The following DCC variants were observed in gnomAD, a reference collection of about 807,000 sequenced individuals.
The protein encoded by DCC is netrin receptor DCC.
In DCC, 58 loss-of-function variants were observed where a neutral mutation model predicts 172.5. That is an observed-to-expected ratio of 0.34 (90% CI 0.27 to 0.42). The LOEUF (loss-of-function observed/expected upper bound fraction) is 0.42. Ranked by LOEUF, DCC falls within the 10% of genes least tolerant of loss-of-function variation. The probability of loss-of-function intolerance (pLI) is 1.00; values close to 1 mark genes in which losing one functional copy is unlikely to be tolerated. For missense variants in DCC, 1,740 were observed against 1,791.0 expected (o/e 0.97, Z 0.51); for synonymous variants, 709 against 644.5 (o/e 1.10, Z -1.52).
intron 3 of DCC, among the ~76,000 whole-genome samples, chr18:52,915,694 T>C (rs1185093825): frequency 6.6e-6 from 1 of 151,990 alleles, no homozygotes. Context: ...ATATTTAATT[T>C]TGCACTATCT....
chr18:52,954,012 T>C (rs1274823555), intron 5 of DCC, among the ~76,000 whole-genome samples: 1 of 152,240 alleles, frequency 6.6e-6, no homozygotes, highest in Non-Finnish European at 1.5e-5. Context: ...AATACTATTA[T>C]AAACTCTGAG....
chr18:52,923,618 CA>C (rs2040156677), intron 3 of DCC, 88 bp from the exon 4 acceptor site: 1 of 1,054,076 alleles, frequency 9.5e-7, no homozygotes, highest in African/African-American at 1.6e-5. Flanking sequence ...TTTTTCTTTC[CA>C]TCTTTTGTTA....
intron 1 of DCC, among the ~76,000 whole-genome samples, chr18:52,710,462 G>C (rs2036276110): frequency 6.6e-6 from 1 of 152,186 alleles, no homozygotes; most frequent in Non-Finnish European, 1.5e-5. Flanking sequence ...GTGTGAACTT[G>C]TATGTGTGCT....
intron 16 of DCC, among the ~76,000 whole-genome samples, chr18:53,389,476 A>G (rs1908404731): frequency 6.6e-6 from 1 of 152,192 alleles, no homozygotes; most frequent in Admixed American, 6.5e-5. Context: ...TAGCAATTTA[A>G]CACTTGAAAT....
chr18:52,820,466 T>G (rs1830268031), intron 2 of DCC, among the ~76,000 whole-genome samples: 3 of 151,824 alleles, frequency 2.0e-5, no homozygotes, highest in African/African-American at 4.8e-5. Flanking sequence ...GTTTTTAATG[T>G]TTTTGTAACC....
intron 15 of DCC, among the ~76,000 whole-genome samples, chr18:53,361,586 T>C (rs780865789): frequency 6.6e-6 from 1 of 152,150 alleles, no homozygotes; most frequent in Non-Finnish European, 1.5e-5. Context: ...TTACCTCAGC[T>C]ATCCGAAAGA....
chr18:52,520,319 C>T (rs1282532139), intron 1 of DCC, among the ~76,000 whole-genome samples: 1 of 152,212 alleles, frequency 6.6e-6, no homozygotes, highest in African/African-American at 2.4e-5. Context: ...TTGCCGAACC[C>T]TGTAGCATAA....
chr18:52,433,909 A>G (rs554221611), intron 1 of DCC, among the ~76,000 whole-genome samples: 1 of 152,322 alleles, frequency 6.6e-6, no homozygotes, highest in South Asian at 2.1e-4. Context: ...GATATAGACC[A>G]TAAGAGTTGA....
intron 21 of DCC, among the ~76,000 whole-genome samples, chr18:53,425,357 CTTTTTTTTTTT>C (rs747096336): frequency 0.035 from 3,534 of 101,678 alleles, 140 homozygotes; most frequent in Middle Eastern, 0.14. Context: ...TTTCTCCTCT[CTTTTTTTTTTT>C]TTTTTTTTTG....
chr18:52,353,613 G>A lies in DCC; in HGVS notation c.91+12735G>A, dbSNP rs542438192. Among the ~76,000 whole-genome samples the A allele has an allele frequency of 9.2e-4, 140 of 152,340 alleles. 1 individual carries two copies. The highest frequency in any genetic ancestry group is 3.2e-3 in the African/African-American group (133 of 41,584). On this transcript the variant is annotated intron_variant, in intron 1 of 28. Coordinates refer to ENST00000442544, the MANE Select transcript of DCC (RefSeq NM_005215.4). ...GCAGGGCAGAAGGGGTGTAACAGAG[G>A]TTTTTGAAGAAGAGTAAAGCTTTAC... is the stretch of plus-strand genomic sequence containing the variant.
At chr18:53,337,901 G>A (rs540335137) in intron 14 of DCC, among the ~76,000 whole-genome samples, 25 of 152,198 alleles carry the variant, frequency 1.6e-4, no homozygotes, top group Non-Finnish European at 3.2e-4. Context: ...GCATAATTTG[G>A]CATATGTTAC....
At chr18:53,437,582 CAAAAAAAAAAAAA>C (rs74180424) in intron 22 of DCC, among the ~76,000 whole-genome samples, 2 of 20,806 alleles carry the variant, frequency 9.6e-5, no homozygotes, top group Admixed American at 2.1e-3. Context: ...GGCTCCATCT[CAAAAAAAAAAAAA>C]AAAAAAAAAA....
chr18:53,305,654 G>A lies in DCC; in HGVS notation c.1988G>A (p.Arg663Lys), dbSNP rs539195711. ...GFITGYKIRH[R>K]KTTRRGEMET... ...ATTACCGGCTATAAAATTCGACACA[G>A]AAAGACGACCCGCAGGGGTGAGATG... Residue 663 changes from arginine (R) to lysine (K), a missense_variant, in exon 13 of 29, where the codon AGA (arginine) becomes AAA (lysine). This residue lies in a region of DCC where 1,732 missense variants were observed against 1,767.4 expected (regional missense o/e 0.98). Transcript: ENST00000442544. The A allele has an allele frequency of 1.2e-6, 2 of 1,614,030 alleles. No homozygotes were observed. The highest frequency in any genetic ancestry group is 2.2e-5 in the South Asian group (2 of 91,084).
chr18:52,971,961 A>C, intron 5 of DCC, among the ~76,000 whole-genome samples: 1 of 152,152 alleles, frequency 6.6e-6, no homozygotes, highest in East Asian at 1.9e-4. Flanking sequence ...GCATCAGAAC[A>C]CCACTTCCCC....
At chr18:52,519,752 T>A (rs1413189083) in intron 1 of DCC, among the ~76,000 whole-genome samples, 1 of 152,190 alleles carries the variant, frequency 6.6e-6, no homozygotes, top group Non-Finnish European at 1.5e-5. Flanking sequence ...AGGATGGAAA[T>A]AATAGGATGG....
At chr18:52,830,231 G>A (rs2145292860) in intron 2 of DCC, among the ~76,000 whole-genome samples, 1 of 152,324 alleles carries the variant, frequency 6.6e-6, no homozygotes, top group African/African-American at 2.4e-5. Context: ...TGACCGGTTT[G>A]AATGTGGTCC....
At chr18:53,309,200 G>A (rs1274739795) in intron 13 of DCC, among the ~76,000 whole-genome samples, 3 of 152,006 alleles carry the variant, frequency 2.0e-5, no homozygotes, top group South Asian at 2.1e-4. Context: ...ACCACACCCA[G>A]CTAATTTTTT....
intron 2 of DCC, among the ~76,000 whole-genome samples, chr18:52,824,106 C>T (rs186506308): frequency 6.6e-6 from 1 of 152,128 alleles, no homozygotes; most frequent in Non-Finnish European, 1.5e-5. Context: ...AAAGACCTCC[C>T]TGGTTGACTT....
chr18:53,236,940 C>A (rs1363484101), intron 12 of DCC, among the ~76,000 whole-genome samples: 1 of 151,976 alleles, frequency 6.6e-6, no homozygotes, highest in Non-Finnish European at 1.5e-5. Flanking sequence ...TTGTTTATCC[C>A]TATGGTAGTA....
Sources: allele counts gnomAD v4.1 joint callset (sites outside exome capture counted in the v4.1 genomes callset), GRCh38; gene constraint gnomAD v4.1.1; regional missense constraint gnomAD v4.1.1; transcripts MANE v1.5; gene names NCBI Gene and HGNC (gene_info 2026-07-23, HGNC 2026-07-21).